The following PPP1R3A variants were observed in gnomAD, a reference collection of about 807,000 sequenced individuals.
The protein encoded by PPP1R3A is RG1.
A neutral mutation model predicts 41.7 loss-of-function variants in PPP1R3A; 29 were observed. The ratio of observed to expected loss-of-function variants is 0.70; its 90% confidence interval spans 0.52 to 0.95. The LOEUF is 0.95. PPP1R3A is among the 40% of genes least tolerant of loss of function. The probability of loss-of-function intolerance (pLI) is 0.00; values close to 1 mark genes in which losing one functional copy is unlikely to be tolerated. For synonymous variants in PPP1R3A, 485 were observed against 453.4 expected (o/e 1.07, Z -0.89); for missense variants, 1,352 against 1,292.4 (o/e 1.05, Z -0.71).
chr7:113,882,917 T>C (rs1796718609), intron 1 of PPP1R3A, among the ~76,000 whole-genome samples: 1 of 152,044 alleles, frequency 6.6e-6, no homozygotes. Flanking sequence ...AAAGACTTTA[T>C]ATATGTATTG....
intron 1 of PPP1R3A, among the ~76,000 whole-genome samples, chr7:113,907,141 G>A (rs540951117): frequency 6.6e-6 from 1 of 151,854 alleles, no homozygotes; most frequent in East Asian, 1.9e-4. Context: ...ATGTTTACCT[G>A]TAAATCAGAA....
At chr7:113,913,690 T>C (rs887842111) in intron 1 of PPP1R3A, among the ~76,000 whole-genome samples, 10 of 151,998 alleles carry the variant, frequency 6.6e-5, no homozygotes, top group South Asian at 2.1e-4. Flanking sequence ...TAGCAGGCAG[T>C]GGGGAAAAAA....
chr7:113,901,817 T>C (rs1362477857), intron 1 of PPP1R3A, among the ~76,000 whole-genome samples: 1 of 151,620 alleles, frequency 6.6e-6, no homozygotes, highest in Non-Finnish European at 1.5e-5. Flanking sequence ...GTATTGCAAA[T>C]CTCTTTAATC....
intron 3 of PPP1R3A, among the ~76,000 whole-genome samples, chr7:113,880,742 C>T (rs1356719446): frequency 6.7e-6 from 1 of 150,274 alleles, no homozygotes; most frequent in African/African-American, 2.4e-5. Flanking sequence ...TCATAACTGA[C>T]ATTTGCATGA....
chr7:113,900,452 C>A (rs951266005), intron 1 of PPP1R3A, among the ~76,000 whole-genome samples: 1 of 151,460 alleles, frequency 6.6e-6, no homozygotes, highest in African/African-American at 2.4e-5. Flanking sequence ...ATATTCTGGT[C>A]TTTTCTTTCT....
chr7:113,894,048 G>T (rs902623072), intron 1 of PPP1R3A, among the ~76,000 whole-genome samples: 1 of 151,942 alleles, frequency 6.6e-6, no homozygotes, highest in African/African-American at 2.4e-5. Flanking sequence ...AGGAAATAGG[G>T]AGAAAAGACA....
intron 1 of PPP1R3A, among the ~76,000 whole-genome samples, chr7:113,888,601 C>T (rs149246096): frequency 5.8e-4 from 88 of 152,262 alleles, no homozygotes; most frequent in Non-Finnish European, 1.0e-3. Context: ...TTGAATTAGT[C>T]TGCAGATTGG....
At chr7:113,889,517 A>G (rs1796842271) in intron 1 of PPP1R3A, among the ~76,000 whole-genome samples, 2 of 152,138 alleles carry the variant, frequency 1.3e-5, no homozygotes, top group Non-Finnish European at 2.9e-5. Context: ...TGTTTGTTGA[A>G]TGGAAAATGC....
intron 1 of PPP1R3A, among the ~76,000 whole-genome samples, chr7:113,906,784 C>G (rs1797155964): frequency 6.6e-6 from 1 of 151,750 alleles, no homozygotes; most frequent in South Asian, 2.1e-4. Context: ...AATACTTAGA[C>G]TAATACACCA....
chr7:113,891,084 C>CAAAAAAAA lies in PPP1R3A; in HGVS notation c.783-8772_783-8765dup, dbSNP rs11342726. ...GGGTCAATATGTGGTGGAAAAAAAG[C>CAAAAAAAA]AAAAAAAAAAAAAAAAAAAAAAAAA... On this transcript the variant is annotated intron_variant, in intron 1 of 3. Coordinates refer to ENST00000284601, the MANE Select transcript of PPP1R3A (RefSeq NM_002711.4). 4.0e-4 allele frequency among the ~76,000 whole-genome samples: 32 copies of CAAAAAAAA among 79,784 alleles called. 3 individuals are homozygous for CAAAAAAAA. The highest frequency in any genetic ancestry group is 1.3e-3 in the African/African-American group (26 of 19,294). The allele number at this position is 79,784 out of a possible 152,430, so 52.3% of individuals were successfully genotyped here.
At chr7:113,914,297 C>A (rs1385627329) in intron 1 of PPP1R3A, among the ~76,000 whole-genome samples, 1 of 152,112 alleles carries the variant, frequency 6.6e-6, no homozygotes, top group East Asian at 1.9e-4. Flanking sequence ...ATGCCCACAG[C>A]CACATAGCTA....
At chr7:113,911,476 T>C (rs753574045) in intron 1 of PPP1R3A, among the ~76,000 whole-genome samples, 1 of 152,120 alleles carries the variant, frequency 6.6e-6, no homozygotes, top group Non-Finnish European at 1.5e-5. Context: ...TAAACTTCAA[T>C]TTCATCTTCT....
chr7:113,899,878 C>A (rs1386530924), intron 1 of PPP1R3A, among the ~76,000 whole-genome samples: 1 of 151,616 alleles, frequency 6.6e-6, no homozygotes, highest in Admixed American at 6.6e-5. Flanking sequence ...GAAATTAAGA[C>A]CTTTAGTAAA....
intron 1 of PPP1R3A, among the ~76,000 whole-genome samples, chr7:113,898,979 A>G (rs1046970756): frequency 1.3e-5 from 2 of 151,820 alleles, no homozygotes; most frequent in Admixed American, 1.3e-4. Context: ...CAGGAAGGAT[A>G]GGGTCTCTAT....
intron 1 of PPP1R3A, among the ~76,000 whole-genome samples, chr7:113,910,504 T>C (rs1797227258): frequency 6.6e-6 from 1 of 152,082 alleles, no homozygotes; most frequent in African/African-American, 2.4e-5. Context: ...TATTTTCTGC[T>C]GCAGCTAAAT....
chr7:113,907,826 T>C (rs1459550458), intron 1 of PPP1R3A, among the ~76,000 whole-genome samples: 3 of 151,762 alleles, frequency 2.0e-5, no homozygotes, highest in Non-Finnish European at 4.4e-5. Context: ...TAAACAGATA[T>C]AGAGGGCGTT....
intron 1 of PPP1R3A, among the ~76,000 whole-genome samples, chr7:113,883,903 G>A (rs1455512536): frequency 2.6e-5 from 4 of 151,954 alleles, no homozygotes; most frequent in Admixed American, 2.0e-4. Flanking sequence ...CAAAAGGACA[G>A]GAGCCTGCTT....
intron 3 of PPP1R3A, 87 bp downstream of exon 3, chr7:113,881,952 T>C (rs777341383): frequency 4.0e-6 from 6 of 1,489,720 alleles, no homozygotes; most frequent in Non-Finnish European, 5.6e-6. Flanking sequence ...TTATATTAGT[T>C]GAAGCTATTG....
At chr7:113,909,867 C>A (rs960976311) in intron 1 of PPP1R3A, among the ~76,000 whole-genome samples, 1 of 151,978 alleles carries the variant, frequency 6.6e-6, no homozygotes, top group African/African-American at 2.4e-5. Context: ...TCTGATAGAA[C>A]ACATTATTGA....
Sources: allele counts gnomAD v4.1 joint callset (sites outside exome capture counted in the v4.1 genomes callset), GRCh38; gene constraint gnomAD v4.1.1; transcripts MANE v1.5; gene names NCBI Gene and HGNC (gene_info 2026-07-23, HGNC 2026-07-21).